CNTLN: variants seen among roughly 807,000 people sequenced by gnomAD.
CNTLN encodes the protein centlein, centrosomal protein.
CNTLN carries 212 observed loss-of-function variants against 180.0 expected under a neutral mutation model. The observed-to-expected ratio is 1.18, with a 90% CI of 1.05 to 1.32. The LOEUF (loss-of-function observed/expected upper bound fraction) is 1.32, where lower values mean the gene tolerates loss of function less well. Ranked by LOEUF, CNTLN falls within the 40% of genes most tolerant of loss-of-function variation. CNTLN has a pLI of 0.00. For missense variants in CNTLN, 2,095 were observed against 1,610.9 expected (o/e 1.30, Z -5.14); for synonymous variants, 722 against 563.1 (o/e 1.28, Z -3.99).
chr9:17,273,755 A>G lies in CNTLN; in HGVS notation c.872A>G (p.Glu291Gly). The G allele has an allele frequency of 6.5e-7, 1 of 1,536,150 alleles. No homozygotes were observed. Residue 291 changes from glutamate to glycine, a missense_variant, in exon 6 of 26, where the codon GAA becomes GGA. Physicochemically the swap from Glu to Gly is moderately conservative, Grantham distance 98 (BLOSUM62 -2). Coordinates refer to ENST00000380647, the MANE Select transcript of CNTLN (RefSeq NM_017738.4). ...KIKTFEDNLI[E>G]ARKEVEVSQS... ...TAGACCTTTGAAGACAATTTAATTG[A>G]AGCAAGGAAAGAAGTTGAAGTATCA...
chr9:17,442,361 G>C lies in CNTLN; in HGVS notation c.3115-15163G>C, dbSNP rs186630090. On this transcript the variant is annotated intron_variant, in intron 18 of 25. Transcript: ENST00000380647. The stretch of plus-strand genomic sequence containing the variant: ...ATGAAGCTAAAGAGCAATAGCAGAA[G>C]GAGAACTGTAAAATCCACAAATGTG... 5.0e-4 allele frequency among the ~76,000 whole-genome samples: 76 copies of C among 152,270 alleles called. No individual in the cohort carries two copies. In the Middle Eastern group the frequency reaches 0.01, roughly 20 times the overall value.
At chr9:17,281,691 G>T (rs974289925) in intron 6 of CNTLN, among the ~76,000 whole-genome samples, 8 of 152,102 alleles carry the variant, frequency 5.3e-5, no homozygotes, top group Non-Finnish European at 8.8e-5. Context: ...TATCTTTGAT[G>T]GGCATTTGGG....
Position 17,204,802 on chromosome 9 carries a change from C to T in CNTLN, c.450-21401C>T, listed in dbSNP as rs143809247. Among the ~76,000 whole-genome samples the T allele has an allele frequency of 5.0e-3, 763 of 152,308 alleles. 4 individuals are homozygous for T. The highest frequency in any genetic ancestry group is 0.017 in the African/African-American group (711 of 41,558). ...GCTGAGCCCACAGCCGCCCCTCCCC[C>T]CAGGTGCTCTGTTGCAGGGAGATGA... On this transcript the variant is annotated intron_variant, in intron 2 of 25. Transcript: ENST00000380647.
chr9:17,143,877 A>C (rs578230168), intron 2 of CNTLN, among the ~76,000 whole-genome samples: 1 of 152,188 alleles, frequency 6.6e-6, no homozygotes, highest in Non-Finnish European at 1.5e-5. Flanking sequence ...GGAACTGCCC[A>C]GTCATTTAAC....
intron 12 of CNTLN, among the ~76,000 whole-genome samples, chr9:17,366,331 A>G (rs1004739118): frequency 6.6e-6 from 1 of 152,038 alleles, no homozygotes; most frequent in East Asian, 1.9e-4. Context: ...TATTGTAAAG[A>G]CAGGGTCTCT....
chr9:17,480,311 T>C (rs1164841546), intron 23 of CNTLN, among the ~76,000 whole-genome samples: 4 of 149,648 alleles, frequency 2.7e-5, no homozygotes, highest in African/African-American at 9.9e-5. Flanking sequence ...AGATAAATGC[T>C]AAGAAAAAGA....
chr9:17,272,426 T>G (rs1337505607), intron 5 of CNTLN, among the ~76,000 whole-genome samples: 1 of 152,144 alleles, frequency 6.6e-6, no homozygotes, highest in Non-Finnish European at 1.5e-5. Flanking sequence ...TTTTGAAGGT[T>G]AGATTTTGAA....
chr9:17,351,022 G>A (rs559338274), intron 12 of CNTLN, among the ~76,000 whole-genome samples: 36 of 152,250 alleles, frequency 2.4e-4, no homozygotes, highest in Non-Finnish European at 4.6e-4. Flanking sequence ...TAGGTAAATT[G>A]TTAAATAACC....
chr9:17,298,632 A>G, intron 7 of CNTLN: 1 of 1,054,598 alleles, frequency 9.5e-7, no homozygotes, highest in Non-Finnish European at 1.1e-6. Flanking sequence ...TCTGTGAAAC[A>G]TACTAGGAGT....
intron 5 of CNTLN, among the ~76,000 whole-genome samples, chr9:17,241,017 C>G (rs1359523308): frequency 6.6e-6 from 1 of 152,124 alleles, no homozygotes; most frequent in African/African-American, 2.4e-5. Flanking sequence ...CGGCACCACA[C>G]CCGGCTAATT....
chr9:17,496,425 A>G (rs913513266), intron 25 of CNTLN, among the ~76,000 whole-genome samples: 4 of 152,126 alleles, frequency 2.6e-5, no homozygotes, highest in Admixed American at 2.6e-4. Context: ...TGAGCAAGGG[A>G]GCGAGTAAGC....
rs531116773 is a variant in CNTLN, at chr9:17,405,737, C to CT, written c.2616-3556_2616-3555insT. Among the ~76,000 whole-genome samples, 481 of 151,596 alleles carry CT rather than the reference C, an allele frequency of 3.2e-3. 4 individuals are homozygous for CT. Among genetic ancestry groups the CT allele is most frequent in the South Asian group, 0.031 (151 of 4,798 alleles). ...TGTTACCACCTATATTCCAGCCACC[C>CT]CAAAATGTATGTATCCATTCTATAC... On this transcript the variant is annotated intron_variant, in intron 15 of 25. Coordinates refer to ENST00000380647, the MANE Select transcript of CNTLN (RefSeq NM_017738.4).
intron 8 of CNTLN, among the ~76,000 whole-genome samples, chr9:17,325,767 A>G (rs1820249037): frequency 6.6e-6 from 1 of 152,072 alleles, no homozygotes; most frequent in South Asian, 2.1e-4. Flanking sequence ...ATGCTTAGCC[A>G]GAGGTAGGAA....
intron 8 of CNTLN, among the ~76,000 whole-genome samples, chr9:17,323,878 G>A (rs1407380657): frequency 1.3e-5 from 2 of 152,056 alleles, no homozygotes; most frequent in Non-Finnish European, 2.9e-5. Flanking sequence ...TGCCAAACTC[G>A]GCTACAGTTT....
At chr9:17,431,916 T>G (rs1298886499) in intron 18 of CNTLN, among the ~76,000 whole-genome samples, 3 of 152,208 alleles carry the variant, frequency 2.0e-5, no homozygotes, top group African/African-American at 7.2e-5. Flanking sequence ...GGAAGCATCT[T>G]ATTAAAGCAC....
At chr9:17,488,261 C>G (rs915790019) in intron 25 of CNTLN, among the ~76,000 whole-genome samples, 1 of 152,026 alleles carries the variant, frequency 6.6e-6, no homozygotes, top group Non-Finnish European at 1.5e-5. Flanking sequence ...AAATCATTTG[C>G]TGAAAGTTGT....
intron 8 of CNTLN, among the ~76,000 whole-genome samples, chr9:17,330,036 A>G (rs955180235): frequency 6.6e-6 from 1 of 152,066 alleles, no homozygotes; most frequent in Non-Finnish European, 1.5e-5. Context: ...TTCCTACAAG[A>G]TTAGTTTTCC....
At chr9:17,278,974 C>G (rs1043440839) in intron 6 of CNTLN, among the ~76,000 whole-genome samples, 1 of 151,894 alleles carries the variant, frequency 6.6e-6, no homozygotes, top group East Asian at 1.9e-4. Flanking sequence ...ATAAGGCTCT[C>G]TGATGTGAAA....
intron 2 of CNTLN, among the ~76,000 whole-genome samples, chr9:17,163,726 A>G (rs1196254309): frequency 6.6e-6 from 1 of 152,184 alleles, no homozygotes; most frequent in Non-Finnish European, 1.5e-5. Context: ...GTGTATTTGC[A>G]TATTGAAAAA....
Sources: gnomAD v4.1 joint callset for allele counts (sites outside exome capture counted in the v4.1 genomes callset) on GRCh38, gnomAD v4.1.1 for gene constraint, MANE v1.5 for transcripts, NCBI Gene and HGNC (gene_info 2026-07-23, HGNC 2026-07-21) for gene names.